Variants in PPP1R36 observed in about 807,000 individuals in gnomAD.
PPP1R36 encodes chromosome 14 open reading frame 50.
Under a neutral mutation model 53.4 loss-of-function variants are expected in PPP1R36, and 47 were observed. The observed-to-expected ratio is 0.88, with a 90% CI of 0.70 to 1.12. The LOEUF is 1.12. Among genes scored for constraint, PPP1R36 ranks in the 50% most tolerant of loss-of-function variants. PPP1R36 has a pLI of 0.00. For missense variants in PPP1R36, 456 were observed against 513.9 expected, an observed-to-expected ratio of 0.89 and a Z score of 1.09; for synonymous variants, 153 against 170.5, an observed-to-expected ratio of 0.90 and a Z score of 0.80.
Position 64,568,373 on chromosome 14 carries a change from C to T in PPP1R36, c.459C>T (p.Leu153=). ...FMRNKNLDNF[L]MALLYYLSHY... ...GGAATAAGAATCTTGATAATTTCCT[C>T]ATGGCATTATTGTACTACTTATCCC... Residue 153 remains leucine, a synonymous_variant, in exon 7 of 12, where the codon CTC becomes CTT. Transcript: ENST00000298705. The T allele has an allele frequency of 6.5e-7, 1 of 1,536,202 alleles. No individual in the cohort carries two copies.
At position 64,565,610 on chromosome 14, in the gene PPP1R36, C is replaced by A. The variant is rs1486325793; in HGVS notation, c.368-16C>A. ...GCTCTTTGTCCCTCTCTCAATTGTTCATTTTCTCTTTTCAGTTGTTACTTT... is the reference window on the plus strand; with the variant it reads ...GCTCTTTGTCCCTCTCTCAATTGTTAATTTTCTCTTTTCAGTTGTTACTTT... On this transcript the variant is annotated splice_polypyrimidine_tract_variant and intron_variant, in intron 5 of 11. Transcript: ENST00000298705. 1.2e-6 allele frequency: 2 copies of A among 1,609,200 alleles called. No homozygotes were observed. The highest frequency in any genetic ancestry group is 1.7e-6 in the Non-Finnish European group (2 of 1,175,654).
chr14:64,584,271 A>G (rs985390761), intron 8 of PPP1R36, among the ~76,000 whole-genome samples: 1 of 152,192 alleles, frequency 6.6e-6, no homozygotes, highest in Non-Finnish European at 1.5e-5. Context: ...TTCCTGGGCA[A>G]TCACTCTCAT....
intron 2 of PPP1R36, chr14:64,551,540 T>C: frequency 6.7e-6 from 3 of 449,722 alleles, no homozygotes; most frequent in Non-Finnish European, 1.3e-5. Context: ...CTAGACACTA[T>C]CTGTTGTGCA....
At chr14:64,555,418 T>C (rs1427640778) in intron 3 of PPP1R36, among the ~76,000 whole-genome samples, 2 of 136,826 alleles carry the variant, frequency 1.5e-5, no homozygotes, top group South Asian at 2.2e-4. Flanking sequence ...GTTAGTTCTG[T>C]TGAGAAATAA....
chr14:64,579,272 TAAAAGAA>T (rs904849350), intron 8 of PPP1R36, among the ~76,000 whole-genome samples: 1 of 151,610 alleles, frequency 6.6e-6, no homozygotes, highest in African/African-American at 2.4e-5. Context: ...AAATAAAAAT[TAAAAGAA>T]AAAAGAAACC....
In PPP1R36 at chr14:64,550,100, C is replaced by A. The variant is rs375518915; in HGVS notation, c.69+34C>A. 23 of 1,546,688 alleles carry A rather than the reference C, an allele frequency of 1.5e-5. No homozygotes were observed. In the African/African-American group the frequency reaches 3.0e-4, roughly 20 times the overall value. ...AGCCTTGGTCGCCCCCATACCCGGGCTGGGCGCAAGGCGGGCCCTGCTGCC... is the reference window on the plus strand; with the variant it reads ...AGCCTTGGTCGCCCCCATACCCGGGATGGGCGCAAGGCGGGCCCTGCTGCC... On this transcript the variant is annotated intron_variant, in intron 1 of 11. Coordinates refer to ENST00000298705, the MANE Select transcript of PPP1R36 (RefSeq NM_172365.3).
At position 64,560,470 on chromosome 14, in the gene PPP1R36, GC is replaced by G. The variant is rs1397489974; in HGVS notation, c.183-4280del. Among the ~76,000 whole-genome samples, 3 of 151,956 alleles carry G rather than the reference GC, an allele frequency of 2.0e-5. No individual in the cohort carries two copies. The East Asian group carries it at 5.8e-4, about 29-fold the overall frequency. On this transcript the variant is annotated intron_variant, in intron 3 of 11. Coordinates refer to ENST00000298705, the MANE Select transcript of PPP1R36 (RefSeq NM_172365.3). ...AAAAAAAAAAAAAGAAAGATGACTG[GC>G]TCAAAGATGGAAAATTGTTTGCGGG...
intron 7 of PPP1R36, among the ~76,000 whole-genome samples, chr14:64,571,035 C>T (rs1039921377): frequency 1.3e-5 from 2 of 152,228 alleles, no homozygotes; most frequent in East Asian, 3.8e-4. Flanking sequence ...CACTTCCCAC[C>T]AATCAACTGC....
At chr14:64,580,509 G>C (rs1375433814) in intron 8 of PPP1R36, among the ~76,000 whole-genome samples, 1 of 152,104 alleles carries the variant, frequency 6.6e-6, no homozygotes, top group Non-Finnish European at 1.5e-5. Context: ...ACCTTTAAAG[G>C]AACACATATG....
At chr14:64,563,623 C>T (rs2080225246) in intron 3 of PPP1R36, among the ~76,000 whole-genome samples, 1 of 152,118 alleles carries the variant, frequency 6.6e-6, no homozygotes, top group Admixed American at 6.5e-5. Context: ...TTATTACTGT[C>T]ATGGGGAGGT....
At chr14:64,558,372 G>A (rs1232947519) in intron 3 of PPP1R36, among the ~76,000 whole-genome samples, 1 of 152,140 alleles carries the variant, frequency 6.6e-6, no homozygotes. Context: ...GAACCCAGGA[G>A]TTTGAGACCA....
chr14:64,564,147 G>C (rs1009859966), intron 3 of PPP1R36, among the ~76,000 whole-genome samples: 4 of 152,194 alleles, frequency 2.6e-5, no homozygotes, highest in African/African-American at 9.7e-5. Flanking sequence ...AAAAGGTCCT[G>C]AAACCTACCT....
At chr14:64,585,786 G>A (rs993446562) in intron 8 of PPP1R36, among the ~76,000 whole-genome samples, 3 of 152,300 alleles carry the variant, frequency 2.0e-5, no homozygotes, top group Admixed American at 6.5e-5. Flanking sequence ...GGCCTTGGCC[G>A]CTGTGACTGA....
At chr14:64,573,901 G>A (rs1308720070) in intron 7 of PPP1R36, among the ~76,000 whole-genome samples, 8 of 102,554 alleles carry the variant, frequency 7.8e-5, no homozygotes, top group East Asian at 3.2e-4. Context: ...GCGACACAGC[G>A]AGACTCTGTC....
chr14:64,587,752 A>G (rs925112742), intron 10 of PPP1R36, among the ~76,000 whole-genome samples: 7 of 148,954 alleles, frequency 4.7e-5, no homozygotes, highest in African/African-American at 4.9e-5. Flanking sequence ...GTGAGCCACC[A>G]TGCCCAGCCT....
At chr14:64,562,228 A>G (rs890896977) in intron 3 of PPP1R36, among the ~76,000 whole-genome samples, 1 of 152,146 alleles carries the variant, frequency 6.6e-6, no homozygotes, top group African/African-American at 2.4e-5. Flanking sequence ...TGGGAGGCCG[A>G]GGTGGATGGA....
intron 5 of PPP1R36, 21 bp downstream of exon 5, chr14:64,565,475 GCATA>G (rs751981209): frequency 6.4e-7 from 1 of 1,561,992 alleles, no homozygotes; most frequent in Non-Finnish European, 8.8e-7. Flanking sequence ...GTTTCTTTAT[GCATA>G]CATAAACATA....
chr14:64,585,651 G>A (rs2080427020), intron 8 of PPP1R36, among the ~76,000 whole-genome samples: 1 of 152,148 alleles, frequency 6.6e-6, no homozygotes, highest in African/African-American at 2.4e-5. Flanking sequence ...GGAGGATTGG[G>A]AGGTGGGAGG....
rs992343777 is a variant in PPP1R36, at chr14:64,550,377, C to G, written c.69+311C>G. On this transcript the variant is annotated intron_variant, in intron 1 of 11. Transcript: ENST00000298705. ...CTACTGCGGGGGAAGCAGCCCCGCTCTGGATAGAAAGGCTGGTGGGTGCTA... is the reference window on the plus strand; with the variant it reads ...CTACTGCGGGGGAAGCAGCCCCGCTGTGGATAGAAAGGCTGGTGGGTGCTA... The G allele has an allele frequency of 2.5e-5, 22 of 895,728 alleles. No homozygotes were observed. The East Asian group carries it at 9.5e-4, about 39-fold the overall frequency. The allele number at this position is 895,728 out of a possible 1,614,324, so 55.5% of individuals were successfully genotyped here. A position where few individuals can be genotyped will look rare whatever the true frequency, so the allele number is the denominator to read the frequency against.
Sources: gnomAD v4.1 joint callset for allele counts (sites outside exome capture counted in the v4.1 genomes callset) on GRCh38, gnomAD v4.1.1 for gene constraint, MANE v1.5 for transcripts, NCBI Gene and HGNC (gene_info 2026-07-23, HGNC 2026-07-21) for gene names.